The following CHKA variants were observed in gnomAD, a reference collection of about 807,000 sequenced individuals.
The protein encoded by CHKA is choline kinase alpha, also known as CHETK-alpha.
A neutral mutation model predicts 60.1 loss-of-function variants in CHKA; 34 were observed. The ratio of observed to expected loss-of-function variants is 0.57; its 90% CI spans 0.43 to 0.75. The LOEUF is 0.75. CHKA is among the 30% of genes least tolerant of loss of function. CHKA has a pLI of 0.00. For synonymous variants in CHKA, 217 were observed against 223.1 expected, an observed-to-expected ratio of 0.97 and a Z score of 0.24; for missense variants, 563 against 561.3, an observed-to-expected ratio of 1.00 and a Z score of -0.03.
At chr11:68,087,869 T>C (rs188768305) in intron 2 of CHKA, among the ~76,000 whole-genome samples, 5 of 152,176 alleles carry the variant, frequency 3.3e-5, no homozygotes, top group African/African-American at 7.2e-5. Context: ...TCCCAGCACG[T>C]TGGGAGGCCG....
chr11:68,095,723 A>AC (rs1565188446), intron 2 of CHKA, among the ~76,000 whole-genome samples: 2 of 143,700 alleles, frequency 1.4e-5, no homozygotes, highest in African/African-American at 5.2e-5. Flanking sequence ...AAAAAAAAAA[A>AC]AAAAAAAAAA....
chr11:68,104,185 T>C (rs1310261259), intron 1 of CHKA, among the ~76,000 whole-genome samples: 1 of 152,268 alleles, frequency 6.6e-6, no homozygotes, highest in South Asian at 2.1e-4. Context: ...TTTGTGACAA[T>C]ATGGATGAAC....
intron 1 of CHKA, among the ~76,000 whole-genome samples, chr11:68,116,725 AAAG>A (rs1463812430): frequency 6.6e-5 from 10 of 152,030 alleles, no homozygotes; most frequent in Non-Finnish European, 1.5e-4. Context: ...AAAAAAAAAA[AAAG>A]AAAGAAAGAA....
intron 1 of CHKA, among the ~76,000 whole-genome samples, chr11:68,097,399 C>T (rs1023814970): frequency 7.2e-5 from 11 of 152,108 alleles, no homozygotes; most frequent in Non-Finnish European, 1.5e-4. Flanking sequence ...CTTTGGGAGG[C>T]CGAGGCGGGT....
chr11:68,093,070 T>C (rs1414573215), intron 2 of CHKA, among the ~76,000 whole-genome samples: 2 of 150,400 alleles, frequency 1.3e-5, no homozygotes, highest in African/African-American at 4.9e-5. Context: ...TGCAGTGGCA[T>C]GATCTTGGCT....
rs555495539 is a variant in CHKA at position 68,088,814 on chromosome 11, T to C, written c.463-7357A>G. Among the ~76,000 whole-genome samples the C allele has an allele frequency of 2.6e-5, 4 of 152,300 alleles. No homozygotes were observed. The South Asian group carries it at 8.3e-4, about 32-fold the overall frequency. ...AACTCGCCTCAGCCTCCCAAAGTGC[T>C]GGGATTACAGGTGTGAGCCACTATG... On this transcript the variant is annotated intron_variant, in intron 2 of 11. Coordinates refer to ENST00000265689, the MANE Select transcript of CHKA (RefSeq NM_001277.3).
chr11:68,119,282 G>A (rs1373391076), intron 1 of CHKA, among the ~76,000 whole-genome samples: 2 of 152,178 alleles, frequency 1.3e-5, no homozygotes, highest in Non-Finnish European at 2.9e-5. Context: ...GCACAAAGAG[G>A]AAGTGAAGCT....
At chr11:68,101,275 A>G (rs1235249161) in intron 1 of CHKA, among the ~76,000 whole-genome samples, 1 of 152,136 alleles carries the variant, frequency 6.6e-6, no homozygotes, top group African/African-American at 2.4e-5. Flanking sequence ...TAAATTGTTG[A>G]GCAAAAATGA....
chr11:68,108,073 G>T (rs1446582632), intron 1 of CHKA, among the ~76,000 whole-genome samples: 1 of 152,112 alleles, frequency 6.6e-6, no homozygotes, highest in African/African-American at 2.4e-5. Flanking sequence ...CCACTGGAGG[G>T]GAAAACAGGA....
chr11:68,115,728 A>AG (rs1346716417), intron 1 of CHKA, among the ~76,000 whole-genome samples: 1 of 152,234 alleles, frequency 6.6e-6, no homozygotes, highest in African/African-American at 2.4e-5. Flanking sequence ...TAGTTTAAAA[A>AG]GGAAGAAAGA....
At chr11:68,075,614 C>T (rs1336829290) in intron 3 of CHKA, among the ~76,000 whole-genome samples, 1 of 152,100 alleles carries the variant, frequency 6.6e-6, no homozygotes, top group Admixed American at 6.6e-5. Flanking sequence ...AGGAGTCACG[C>T]TTACCCAGAG....
At position 68,070,836 on chromosome 11, in the gene CHKA, C is replaced by T. The variant is rs769249113; in HGVS notation, c.652G>A (p.Glu218Lys). Residue 218 changes from glutamate to lysine, a missense_variant, in exon 5 of 12, where the codon GAA becomes AAA. Physicochemically the swap from Glu to Lys is moderately conservative, Grantham distance 56. Transcript: ENST00000265689. ...GCAGAAATATCTGGCAAACTTAATT[C>T]TTCAGTATCTAATCGCCGGCTCTGA... is the stretch of plus-strand genomic sequence containing the variant. Reference protein sequence around the residue: ...FIPSRRLDTEELSLPDISAEI... With the variant: ...FIPSRRLDTEKLSLPDISAEI... 2.5e-6 allele frequency: 4 copies of T among 1,611,998 alleles called. No homozygotes were observed. The highest frequency in any genetic ancestry group is 1.7e-5 in the Admixed American group (1 of 59,944).
chr11:68,094,401 C>T lies in CHKA; in HGVS notation c.462+2618G>A, dbSNP rs566671725. ...TACAAAAAATACAAAATTAGCTGGG[C>T]GTGGTGGCTCACTCCTGTAGTCCCA... On this transcript the variant is annotated intron_variant, in intron 2 of 11. Transcript: ENST00000265689. Among the ~76,000 whole-genome samples the T allele has an allele frequency of 2.0e-5, 3 of 152,146 alleles. No individual in the cohort carries two copies. The South Asian group carries it at 6.2e-4, about 32-fold the overall frequency.
chr11:68,070,772 T>G lies in CHKA; in HGVS notation c.716A>C (p.Lys239Thr), dbSNP rs761788836. The G allele has an allele frequency of 6.2e-7, 1 of 1,613,440 alleles. No homozygotes were observed. Among genetic ancestry groups the G allele is most frequent in the Non-Finnish European group, 8.5e-7 (1 of 1,179,400 alleles). ...TTTTGGTTCCTTATTGAATGGCATTTTCATACCATGAAATGTAGCCATTTT... is the reference window on the plus strand; with the variant it reads ...TTTTGGTTCCTTATTGAATGGCATTGTCATACCATGAAATGTAGCCATTTT... ...AEKMATFHGM[K>T]MPFNKEPKWL... Residue 239 changes from lysine to threonine, a missense_variant, in exon 5 of 12, where the codon AAA (lysine) becomes ACA (threonine). Physicochemically the swap from Lys to Thr is moderately conservative, Grantham distance 78. Transcript: ENST00000265689.
chr11:68,090,365 T>G (rs1857312059), intron 2 of CHKA, among the ~76,000 whole-genome samples: 2 of 152,150 alleles, frequency 1.3e-5, no homozygotes, highest in Admixed American at 1.3e-4. Flanking sequence ...TTCCTAATGA[T>G]CCTAACACAA....
intron 1 of CHKA, among the ~76,000 whole-genome samples, chr11:68,120,319 T>C (rs578169231): frequency 6.6e-6 from 1 of 152,166 alleles, no homozygotes; most frequent in Non-Finnish European, 1.5e-5. Flanking sequence ...ACAGCTATAG[T>C]GATGTCTCTT....
intron 1 of CHKA, 94 bp downstream of exon 1, chr11:68,120,734 A>G (rs868512648): frequency 2.1e-4 from 13 of 62,846 alleles, no homozygotes; most frequent in Non-Finnish European, 4.0e-4. Flanking sequence ...CCGGCCCCCG[A>G]CCCCCCCGGC....
intron 1 of CHKA, among the ~76,000 whole-genome samples, chr11:68,104,395 C>T (rs1565192124): frequency 6.6e-6 from 1 of 151,966 alleles, no homozygotes; most frequent in East Asian, 1.9e-4. Flanking sequence ...ATAAATTCAC[C>T]TTATACCTCA....
At chr11:68,114,610 T>C (rs1034889203) in intron 1 of CHKA, among the ~76,000 whole-genome samples, 6 of 151,346 alleles carry the variant, frequency 4.0e-5, no homozygotes, top group Non-Finnish European at 7.4e-5. Context: ...GGAAGGAGAA[T>C]TGCCTGAACC....
Sources: allele counts gnomAD v4.1 joint callset (sites outside exome capture counted in the v4.1 genomes callset), GRCh38; gene constraint gnomAD v4.1.1; transcripts MANE v1.5; gene names NCBI Gene and HGNC (gene_info 2026-07-23, HGNC 2026-07-21).